The following DLG5 variants were observed in gnomAD, a reference collection of about 807,000 sequenced individuals.
DLG5 encodes the protein discs large MAGUK scaffold protein 5.
In DLG5, 48 loss-of-function variants were observed where a neutral mutation model predicts 189.8. The ratio of observed to expected loss-of-function variants is 0.25; its 90% CI spans 0.20 to 0.32. The LOEUF is 0.32. DLG5 is among the 10% of genes least tolerant of loss of function. The pLI is 1.00. For synonymous variants in DLG5, 1,016 were observed against 1,054.1 expected (o/e 0.96, Z 0.70); for missense variants, 2,160 against 2,544.7 (o/e 0.85, Z 3.25).
At chr10:77,856,606 G>C (rs1844240263) in intron 3 of DLG5, 124 bp downstream of exon 3, 1 of 1,271,546 alleles carries the variant, frequency 7.9e-7, no homozygotes, top group African/African-American at 1.5e-5. Flanking sequence ...GTGGGGGAAA[G>C]GGGACACTCA....
chr10:77,919,754 T>C (rs1205956877), intron 1 of DLG5, among the ~76,000 whole-genome samples: 2 of 152,084 alleles, frequency 1.3e-5, no homozygotes, highest in Non-Finnish European at 1.5e-5. Flanking sequence ...CACCAGTACC[T>C]GATGGGCAAC....
intron 2 of DLG5, among the ~76,000 whole-genome samples, chr10:77,863,917 G>T (rs1427043228): frequency 6.6e-6 from 1 of 152,172 alleles, no homozygotes; most frequent in South Asian, 2.1e-4. Context: ...CCTGCCTTAC[G>T]AGGAAGCTGG....
upstream of DLG5, chr10:77,929,958 C>T (rs1846770959): frequency 6.6e-6 from 1 of 152,232 alleles, no homozygotes; most frequent in Non-Finnish European, 1.5e-5. Context: ...ACAAATCACC[C>T]TATCACTTCA....
At chr10:77,931,202 C>T (rs1235401153), upstream of DLG5, among the ~76,000 whole-genome samples, 1 of 152,106 alleles carries the variant, frequency 6.6e-6, no homozygotes, top group Non-Finnish European at 1.5e-5. Flanking sequence ...AGAGATCCAC[C>T]TCTTGGGCCT....
chr10:77,909,691 A>G (rs753988438), intron 1 of DLG5, among the ~76,000 whole-genome samples: 1 of 152,146 alleles, frequency 6.6e-6, no homozygotes, highest in Non-Finnish European at 1.5e-5. Flanking sequence ...GGGGGGATAC[A>G]TAGGCGCATA....
Position 77,821,360 on chromosome 10 carries a change from A to T in DLG5, c.3124T>A (p.Ser1042Thr), listed in dbSNP as rs757061091. The change falls in exon 15 of 32, where the codon TCC (serine) becomes ACC (threonine). Residue 1042 changes from serine to threonine, a missense_variant. Ser to Thr is a moderately conservative substitution (Grantham distance 58). This residue lies in a region of DLG5 where 754 missense variants were observed against 746.5 expected (regional missense o/e 1.01). Coordinates refer to ENST00000372391, the MANE Select transcript of DLG5 (RefSeq NM_004747.4). ...SESEATLVGS[S>T]PSTSPPSALP... ...GCGCTCGGGGGACTAGTGGATGGGGAGCTGCCCACCAGAGTGGCTTCTGAC... is the reference window on the plus strand; with the variant it reads ...GCGCTCGGGGGACTAGTGGATGGGGTGCTGCCCACCAGAGTGGCTTCTGAC... The T allele has an allele frequency of 6.2e-7, 1 of 1,612,574 alleles. No individual in the cohort carries two copies. Among genetic ancestry groups the T allele is most frequent in the South Asian group, 1.1e-5 (1 of 91,066 alleles).
In DLG5 at chr10:77,809,736, A is replaced by C; in HGVS notation, c.4464-6T>G. The C allele has an allele frequency of 6.2e-7, 1 of 1,609,748 alleles. No homozygotes were observed. The highest frequency in any genetic ancestry group is 2.2e-5 in the East Asian group (1 of 44,790). On this transcript the variant is annotated splice_region_variant and splice_polypyrimidine_tract_variant and intron_variant, in intron 23 of 31. Transcript: ENST00000372391. The stretch of plus-strand genomic sequence containing the variant: ...TGTTGGCATCTCCCGCAATCCTTTC[A>C]GGAAAAAAACAAAGTTCCTCAACTG...
intron 2 of DLG5, among the ~76,000 whole-genome samples, chr10:77,864,099 T>C (rs1844578895): frequency 6.6e-6 from 1 of 152,198 alleles, no homozygotes; most frequent in Non-Finnish European, 1.5e-5. Flanking sequence ...GCTCCTTCAG[T>C]TGCCCTGGCT....
chr10:77,873,357 T>C (rs1192653002), intron 1 of DLG5, among the ~76,000 whole-genome samples: 1 of 152,056 alleles, frequency 6.6e-6, no homozygotes, highest in South Asian at 2.1e-4. Flanking sequence ...ACAGGTGGGA[T>C]GCACATGGAA....
intron 2 of DLG5, among the ~76,000 whole-genome samples, chr10:77,859,893 C>T (rs1589227064): frequency 6.6e-6 from 1 of 152,206 alleles, no homozygotes; most frequent in African/African-American, 2.4e-5. Context: ...AGTCTTCCCA[C>T]ACCTTTCCAC....
At chr10:77,815,513 A>C (rs181629679) in intron 20 of DLG5, among the ~76,000 whole-genome samples, 31 of 152,290 alleles carry the variant, frequency 2.0e-4, no homozygotes, top group Middle Eastern at 3.4e-3. Flanking sequence ...TACAAAAATT[A>C]GCCAGGCGTG....
chr10:77,854,587 C>G (rs1307184862), intron 3 of DLG5, among the ~76,000 whole-genome samples: 1 of 152,192 alleles, frequency 6.6e-6, no homozygotes, highest in Non-Finnish European at 1.5e-5. Context: ...TGCCTGAGCT[C>G]CCTGCATGGG....
At chr10:77,894,909 G>A (rs1199057810) in intron 1 of DLG5, among the ~76,000 whole-genome samples, 1 of 152,222 alleles carries the variant, frequency 6.6e-6, no homozygotes, top group African/African-American at 2.4e-5. Context: ...CCAGGGGCAA[G>A]GGGTTTGCCA....
chr10:77,801,894 G>A (rs982612478), intron 27 of DLG5, among the ~76,000 whole-genome samples: 1 of 152,198 alleles, frequency 6.6e-6, no homozygotes, highest in Non-Finnish European at 1.5e-5. Context: ...GCCTTGGGAG[G>A]AAGGGCTTTT....
intron 1 of DLG5, among the ~76,000 whole-genome samples, chr10:77,907,014 C>G (rs565661257): frequency 6.2e-4 from 95 of 152,288 alleles, no homozygotes; most frequent in African/African-American, 2.2e-3. Flanking sequence ...ACCACGTGAT[C>G]TGACAACACT....
At chr10:77,840,717 TA>T (rs959697716) in intron 7 of DLG5, among the ~76,000 whole-genome samples, 2 of 150,806 alleles carry the variant, frequency 1.3e-5, no homozygotes, top group Non-Finnish European at 3.0e-5. Context: ...CTCAGTCTCA[TA>T]AAAAAAAAGA....
At chr10:77,897,168 C>G (rs1293743212) in intron 1 of DLG5, among the ~76,000 whole-genome samples, 2 of 151,968 alleles carry the variant, frequency 1.3e-5, no homozygotes, top group South Asian at 4.2e-4. Context: ...CCAGTCTGGC[C>G]AACATGGTGA....
chr10:77,817,099 A>G lies in DLG5; in HGVS notation c.3785-3T>C, dbSNP rs1217548149. 5.6e-6 allele frequency: 9 copies of G among 1,613,970 alleles called. No homozygotes were observed. Among genetic ancestry groups the G allele is most frequent in the Middle Eastern group, 1.6e-4 (1 of 6,082 alleles). On this transcript the variant is annotated splice_region_variant and splice_polypyrimidine_tract_variant and intron_variant, in intron 18 of 31. Transcript: ENST00000372391. Reference sequence around the variant, plus strand: ...GAACTGCAAGTTACTCGAAGAACCTATTGTTCCATAAGGGAACAAAACTTC... The same window carrying G: ...GAACTGCAAGTTACTCGAAGAACCTGTTGTTCCATAAGGGAACAAAACTTC...
chr10:77,860,226 T>C (rs750672453), intron 2 of DLG5, among the ~76,000 whole-genome samples: 1 of 152,242 alleles, frequency 6.6e-6, no homozygotes, highest in Non-Finnish European at 1.5e-5. Flanking sequence ...TTCACCCTCA[T>C]GCCTCGGTGC....
Sources: gnomAD v4.1 joint callset for allele counts (sites outside exome capture counted in the v4.1 genomes callset) on GRCh38, gnomAD v4.1.1 for gene constraint, gnomAD v4.1.1 regional missense constraint, MANE v1.5 for transcripts, NCBI Gene and HGNC (gene_info 2026-07-23, HGNC 2026-07-21) for gene names.